Variants in WDR76 observed in about 807,000 individuals in gnomAD.
WDR76 encodes the protein WD repeat-containing protein 76.
A neutral mutation model predicts 70.2 loss-of-function variants in WDR76; 52 were observed. That is an observed-to-expected ratio of 0.74 (90% CI 0.59 to 0.93). The LOEUF is 0.93. WDR76 is among the 40% of genes least tolerant of loss of function. The pLI, the probability that WDR76 is intolerant of heterozygous loss-of-function variation, is 0.00. For missense variants in WDR76, 756 were observed against 760.2 expected, an observed-to-expected ratio of 0.99 and a Z score of 0.07; for synonymous variants, 292 against 271.1, an observed-to-expected ratio of 1.08 and a Z score of -0.76.
At chr15:43,846,909 C>T (rs567010097) in intron 8 of WDR76, among the ~76,000 whole-genome samples, 1 of 150,860 alleles carries the variant, frequency 6.6e-6, no homozygotes, top group Non-Finnish European at 1.5e-5. Flanking sequence ...GTAATCCCAG[C>T]TACTTGGGAG....
chr15:43,837,723 GTGTAGTTGAAAAATTA>G (rs1207376894), intron 4 of WDR76, among the ~76,000 whole-genome samples: 1 of 152,008 alleles, frequency 6.6e-6, no homozygotes, highest in East Asian at 1.9e-4. Context: ...TAATGTATTT[GTGTAGTTGAAAAATTA>G]TACAGGTCCC....
chr15:43,845,658 C>G (rs1380362425), intron 8 of WDR76, among the ~76,000 whole-genome samples: 1 of 150,360 alleles, frequency 6.7e-6, no homozygotes, highest in African/African-American at 2.4e-5. Context: ...AAATATCTTC[C>G]CAGGGACCTG....
At chr15:43,860,274 T>C (rs1326356874) in intron 11 of WDR76, among the ~76,000 whole-genome samples, 3 of 152,178 alleles carry the variant, frequency 2.0e-5, no homozygotes, top group Non-Finnish European at 4.4e-5. Context: ...TCCTCTCCTT[T>C]GTTGCTGGTT....
At chr15:43,849,329 CTG>C (rs1372935298) in intron 8 of WDR76, among the ~76,000 whole-genome samples, 1 of 152,134 alleles carries the variant, frequency 6.6e-6, no homozygotes, top group African/African-American at 2.4e-5. Flanking sequence ...GATAATGTCT[CTG>C]TAAATACTTG....
intron 12 of WDR76, among the ~76,000 whole-genome samples, chr15:43,863,651 C>G (rs115875314): frequency 2.0e-5 from 3 of 152,032 alleles, no homozygotes; most frequent in African/African-American, 7.2e-5. Context: ...CCTCAATCTC[C>G]TGGACTTGAG....
chr15:43,841,792 C>T (rs1268770137), intron 5 of WDR76, among the ~76,000 whole-genome samples: 2 of 152,196 alleles, frequency 1.3e-5, no homozygotes, highest in Admixed American at 6.5e-5. Context: ...TGAGTCAATT[C>T]TCAGCTTCTC....
intron 5 of WDR76, among the ~76,000 whole-genome samples, chr15:43,841,303 T>C (rs2087722745): frequency 6.6e-6 from 1 of 150,410 alleles, no homozygotes; most frequent in Non-Finnish European, 1.5e-5. Context: ...CCCAGGTTCA[T>C]GCCATTCTCC....
At chr15:43,847,499 G>C (rs2087803449) in intron 8 of WDR76, among the ~76,000 whole-genome samples, 4 of 151,656 alleles carry the variant, frequency 2.6e-5, no homozygotes, top group Non-Finnish European at 4.4e-5. Flanking sequence ...TCTGCTCACT[G>C]CAGCCTCCGC....
intron 5 of WDR76, among the ~76,000 whole-genome samples, chr15:43,841,024 T>C (rs1376343470): frequency 1.3e-5 from 2 of 151,516 alleles, no homozygotes; most frequent in Non-Finnish European, 1.5e-5. Context: ...GTATTTCTTT[T>C]TTTTTTTTCT....
chr15:43,833,462 G>A (rs758561812), intron 2 of WDR76, among the ~76,000 whole-genome samples: 1 of 151,600 alleles, frequency 6.6e-6, no homozygotes, highest in Admixed American at 6.6e-5. Context: ...GGGACTACAG[G>A]CGCCCACCAC....
chr15:43,842,787 T>G (rs915732463), intron 7 of WDR76, 116 bp downstream of exon 7: 1 of 947,544 alleles, frequency 1.1e-6, no homozygotes, highest in Non-Finnish European at 1.6e-6. Flanking sequence ...CCCTAACAAC[T>G]GTTGTTTTTG....
At chr15:43,852,733 G>A (rs1278588517) in intron 9 of WDR76, among the ~76,000 whole-genome samples, 1 of 152,046 alleles carries the variant, frequency 6.6e-6, no homozygotes, top group Non-Finnish European at 1.5e-5. Flanking sequence ...TTTGTGACTG[G>A]TTTCTTTAAC....
In WDR76 at chr15:43,848,973, A is replaced by T. The variant is rs933609255; in HGVS notation, c.1033-2114A>T. On this transcript the variant is annotated intron_variant, in intron 8 of 12. Transcript: ENST00000263795. ...TGAGGCCAAAAAAACTGCATTTCAG[A>T]TTACCTGCTGTCTCAACATGGTGAA... Among the ~76,000 whole-genome samples, 3 of 145,230 alleles carry T rather than the reference A, an allele frequency of 2.1e-5. No homozygotes were observed. The Admixed American group carries it at 2.1e-4, about 10-fold the overall frequency.
intron 4 of WDR76, among the ~76,000 whole-genome samples, chr15:43,836,535 T>G (rs1049318435): frequency 9.9e-5 from 15 of 152,198 alleles, no homozygotes; most frequent in Admixed American, 1.3e-4. Flanking sequence ...ACTTTTAATT[T>G]TTCTGGCTAT....
At chr15:43,861,984 G>T (rs1389242629) in intron 12 of WDR76, among the ~76,000 whole-genome samples, 1 of 150,924 alleles carries the variant, frequency 6.6e-6, no homozygotes, top group Non-Finnish European at 1.5e-5. Context: ...TTACAGGCAT[G>T]CACCACTATG....
intron 9 of WDR76, among the ~76,000 whole-genome samples, chr15:43,853,628 G>A (rs1317035188): frequency 6.6e-6 from 1 of 151,934 alleles, no homozygotes; most frequent in African/African-American, 2.4e-5. Flanking sequence ...AAATGGCACC[G>A]GGTGCGGTGG....
Position 43,836,281 on chromosome 15 carries a change from A to G in WDR76, c.608+65A>G, listed in dbSNP as rs137968621. 787 of 1,525,856 alleles carry G rather than the reference A, an allele frequency of 5.2e-4. 4 individuals carry two copies. The African/African-American group carries it at 9.7e-3, about 19-fold the overall frequency. 94.5% of individuals were successfully genotyped at this position (1,525,856 alleles called of 1,614,324 possible). ...TGCTCAACTGTTTTATAATTTGAAA[A>G]AAATGGTTTGGTGTGGTAAGCTTAA... On this transcript the variant is annotated intron_variant, in intron 4 of 12. Transcript: ENST00000263795.
intron 4 of WDR76, 46 bp downstream of exon 4, chr15:43,836,262 A>G (rs1596069105): frequency 3.8e-6 from 6 of 1,564,280 alleles, no homozygotes; most frequent in African/African-American, 1.4e-5. Flanking sequence ...ACATTGCTCA[A>G]CTGTTTTATA....
At chr15:43,836,802 CAG>C (rs1044822190) in intron 4 of WDR76, among the ~76,000 whole-genome samples, 65 of 151,154 alleles carry the variant, frequency 4.3e-4, no homozygotes, top group African/African-American at 1.5e-3. Flanking sequence ...GAGGTTGAGT[CAG>C]GGGGTCACCT....
Sources: allele counts gnomAD v4.1 joint callset (sites outside exome capture counted in the v4.1 genomes callset), GRCh38; gene constraint gnomAD v4.1.1; transcripts MANE v1.5; gene names NCBI Gene and HGNC (gene_info 2026-07-23, HGNC 2026-07-21).